WFDC1: variants seen among roughly 807,000 people sequenced by gnomAD.
WFDC1 encodes the protein WAP four-disulfide core domain 1, also known as WAP four-disulfide core domain protein 1.
WFDC1 carries 39 observed loss-of-function variants against 32.9 expected under a neutral mutation model. The ratio of observed to expected loss-of-function variants is 1.19; its 90% confidence interval spans 0.92 to 1.55. WFDC1 has a LOEUF of 1.55. Among genes scored for constraint, WFDC1 ranks in the 40% most tolerant of loss-of-function variants. The pLI is 0.00. For missense variants in WFDC1, 386 were observed against 309.5 expected (o/e 1.25, Z -1.85); for synonymous variants, 184 against 137.4 (o/e 1.34, Z -2.37).
intron 1 of WFDC1, among the ~76,000 whole-genome samples, chr16:84,307,028 G>C (rs535113709): frequency 9.2e-5 from 14 of 152,272 alleles, no homozygotes; most frequent in Middle Eastern, 3.4e-3. Context: ...AGGTAGGTGA[G>C]AGCCGGGCAG....
At chr16:84,319,370 T>C in intron 3 of WFDC1, 61 bp from the exon 4 acceptor site, 2 of 1,585,572 alleles carry the variant, frequency 1.3e-6, no homozygotes, top group Non-Finnish European at 1.7e-6. Context: ...TTCTAGACCC[T>C]AGCATGTGCA....
At chr16:84,311,455 C>T (rs375517537) in intron 1 of WFDC1, among the ~76,000 whole-genome samples, 1 of 147,602 alleles carries the variant, frequency 6.8e-6, no homozygotes, top group Non-Finnish European at 1.5e-5. Flanking sequence ...GTCTCGATCT[C>T]CTGACCTCAT....
chr16:84,297,290 C>T (rs1906653280), intron 1 of WFDC1, among the ~76,000 whole-genome samples: 1 of 152,166 alleles, frequency 6.6e-6, no homozygotes, highest in Non-Finnish European at 1.5e-5. Flanking sequence ...TGGCCTCCTT[C>T]CTCAGCGCCT....
intron 2 of WFDC1, chr16:84,316,597 G>A (rs2161700): frequency 0.66 from 100,304 of 151,576 alleles, 33,696 homozygotes; most frequent in Non-Finnish European, 0.73. Context: ...GCCTATCTCT[G>A]TAGAATAATC....
At chr16:84,296,845 C>T (rs1385408267) in intron 1 of WFDC1, 3 of 152,000 alleles carry the variant, frequency 2.0e-5, no homozygotes, top group Non-Finnish European at 2.9e-5. Context: ...CAGCATGAGC[C>T]GAGGCTCACA....
At chr16:84,326,419 A>G (rs566396947) in intron 5 of WFDC1, 1 of 165,248 alleles carries the variant, frequency 6.1e-6, no homozygotes, top group East Asian at 1.6e-4. Flanking sequence ...AAATTCAGAC[A>G]TGAATATAGC....
intron 1 of WFDC1, among the ~76,000 whole-genome samples, chr16:84,303,130 A>G (rs903236594): frequency 9.3e-5 from 14 of 151,000 alleles, no homozygotes; most frequent in African/African-American, 3.2e-4. Context: ...AATGGCATTC[A>G]TCTACGCACG....
At chr16:84,301,873 G>A (rs570729031) in intron 1 of WFDC1, among the ~76,000 whole-genome samples, 12 of 152,280 alleles carry the variant, frequency 7.9e-5, no homozygotes, top group African/African-American at 2.6e-4. Flanking sequence ...GGAAATCAAC[G>A]AGTAAAGAAG....
intron 5 of WFDC1, chr16:84,326,462 C>A (rs1908607920): frequency 5.7e-6 from 1 of 176,170 alleles, no homozygotes; most frequent in Admixed American, 5.5e-5. Flanking sequence ...TAGTGACAAG[C>A]CTTCCTGACA....
intron 6 of WFDC1, chr16:84,327,528 G>A (rs1364422659): frequency 6.6e-6 from 1 of 152,282 alleles, no homozygotes; most frequent in African/African-American, 2.4e-5. Flanking sequence ...ATTAGCCTAT[G>A]GTAAAATTGT....
intron 4 of WFDC1, among the ~76,000 whole-genome samples, chr16:84,322,160 C>CGTGTGCGTGT (rs1555546148): frequency 7.0e-6 from 1 of 142,186 alleles, no homozygotes. Flanking sequence ...TGTGTGTGTG[C>CGTGTGCGTGT]GTGTGTGTGT....
chr16:84,321,710 T>C (rs572847122), intron 4 of WFDC1, among the ~76,000 whole-genome samples: 1 of 152,332 alleles, frequency 6.6e-6, no homozygotes, highest in African/African-American at 2.4e-5. Context: ...ACTGTTAACA[T>C]GCACCTTTGG....
At chr16:84,319,633 G>T in intron 4 of WFDC1, 62 bp downstream of exon 4, 1 of 1,579,938 alleles carries the variant, frequency 6.3e-7, no homozygotes. Context: ...CCCTGTAAGC[G>T]CCTCTCACCC....
At chr16:84,312,919 A>G in intron 1 of WFDC1, 42 bp from the exon 2 acceptor site, 1 of 1,133,882 alleles carries the variant, frequency 8.8e-7, no homozygotes, top group Non-Finnish European at 1.1e-6. Context: ...CCGGGACTCG[A>G]ACGCGCGCCC....
chr16:84,314,702 G>A (rs187266268), intron 2 of WFDC1, among the ~76,000 whole-genome samples: 1 of 152,324 alleles, frequency 6.6e-6, no homozygotes, highest in East Asian at 1.9e-4. Context: ...CGCTGCTCCA[G>A]GCCAGGCAGC....
chr16:84,327,187 A>T, intron 6 of WFDC1: 1 of 498,724 alleles, frequency 2.0e-6, no homozygotes, highest in Non-Finnish European at 3.6e-6. Flanking sequence ...TAGAAGCTTA[A>T]CTCATTTGTT....
intron 1 of WFDC1, among the ~76,000 whole-genome samples, chr16:84,310,442 G>A (rs1307494256): frequency 6.6e-6 from 1 of 152,164 alleles, no homozygotes; most frequent in Non-Finnish European, 1.5e-5. Context: ...GATTAAGCCA[G>A]GACTTGGATG....
In WFDC1 at chr16:84,313,104, C is replaced by T; in HGVS notation, c.288C>T (p.Cys96=). The change falls in exon 2 of 7, where the codon TGC becomes TGT. Residue 96 remains cysteine (C), a synonymous_variant. Coordinates refer to ENST00000219454, the MANE Select transcript of WFDC1 (RefSeq NM_021197.4). ...DSECPRHRRC[C]YNGCAYACLE... ...AGTGCCCGCGGCACCGGCGCTGCTG[C>T]TACAACGGATGCGCCTACGCCTGCC... 6.9e-7 allele frequency: 1 copy of T among 1,441,492 alleles called. No homozygotes were observed. The allele number at this position is 1,441,492 out of a possible 1,614,324, so 89.3% of individuals were successfully genotyped here.
At chr16:84,326,177 G>GCATC (rs370230315) in intron 5 of WFDC1, 4 of 138,832 alleles carry the variant, frequency 2.9e-5, no homozygotes, top group Non-Finnish European at 6.1e-5. Flanking sequence ...ATATATCCAT[G>GCATC]CATCCATCCA....
Sources: gnomAD v4.1 joint callset for allele counts (sites outside exome capture counted in the v4.1 genomes callset) on GRCh38, gnomAD v4.1.1 for gene constraint, MANE v1.5 for transcripts, NCBI Gene and HGNC (gene_info 2026-07-23, HGNC 2026-07-21) for gene names.